SPECC1: variants seen among roughly 807,000 people sequenced by gnomAD.
The protein encoded by SPECC1 is sperm antigen with calponin homology and coiled-coil domains 1, also known as cytospin-B.
Under a neutral mutation model 104.1 loss-of-function variants are expected in SPECC1, and 62 were observed. That is an observed-to-expected ratio of 0.60 (90% CI 0.49 to 0.74). The LOEUF (loss-of-function observed/expected upper bound fraction) is 0.74, where lower values mean the gene tolerates loss of function less well. Among genes scored for constraint, SPECC1 ranks in the 30% least tolerant of loss-of-function variants. The pLI is 0.00. For missense variants in SPECC1, 1,306 were observed against 1,310.5 expected (o/e 1.00, Z 0.05); for synonymous variants, 513 against 501.6 (o/e 1.02, Z -0.30).
intron 3 of SPECC1, among the ~76,000 whole-genome samples, chr17:20,117,908 C>G (rs556153600): frequency 3.2e-4 from 48 of 151,782 alleles, no homozygotes; most frequent in African/African-American, 1.2e-3. Context: ...AGTTCGAGAC[C>G]AATCTGGGCA....
intron 13 of SPECC1, 130 bp from the exon 14 acceptor site, chr17:20,305,893 A>G: frequency 1.3e-6 from 1 of 746,598 alleles, no homozygotes; most frequent in African/African-American, 1.8e-5. Context: ...CAAATATTGT[A>G]CACTTGACTT....
chr17:20,302,759 G>A (rs1363434649), intron 13 of SPECC1, among the ~76,000 whole-genome samples: 1 of 5,622 alleles, frequency 1.8e-4, no homozygotes, highest in Non-Finnish European at 3.1e-4. Flanking sequence ...GCAGCACACT[G>A]TGAAAACACA....
rs748596331 is a variant in SPECC1 at position 20,014,130 on chromosome 17, TTCTG to T, written c.-22+4710_-22+4713del. 3.4e-4 allele frequency among the ~76,000 whole-genome samples: 51 copies of T among 152,220 alleles called. 1 individual carries two copies. The highest frequency in any genetic ancestry group is 4.3e-4 in the Non-Finnish European group (29 of 68,034). ...CACATTCTTGCCAACTCTTGGTAAT[TTCTG>T]TCTTTTACCTTTTAGTTATTCTGGT... On this transcript the variant is annotated intron_variant, in intron 1 of 14. Transcript: ENST00000395527.
Position 20,227,610 on chromosome 17 carries a change from T to C in SPECC1, c.2061T>C (p.Ser687=). The C allele has an allele frequency of 1.2e-6, 2 of 1,611,180 alleles. No homozygotes were observed. The highest frequency in any genetic ancestry group is 1.7e-6 in the Non-Finnish European group (2 of 1,179,268). The change falls in exon 5 of 15, where the codon AGT becomes AGC. Residue 687 remains serine (S), a synonymous_variant. Coordinates refer to ENST00000395527, the MANE Select transcript of SPECC1 (RefSeq NM_001243439.2). ...AVKLHNNQLI[S]ELESSVIKLE... ...AGTTACACAATAATCAACTCATCAG[T>C]GAGCTAGAAAGTAAGTGGGGTCTGC...
At chr17:20,125,204 A>AAAACAAAAC (rs1555611270) in intron 3 of SPECC1, among the ~76,000 whole-genome samples, 1 of 151,428 alleles carries the variant, frequency 6.6e-6, no homozygotes, top group Non-Finnish European at 1.5e-5. Flanking sequence ...AAAACAAAAC[A>AAAACAAAAC]AAACAAAAAA....
intron 1 of SPECC1, among the ~76,000 whole-genome samples, chr17:20,079,395 G>A (rs1382001426): frequency 6.6e-6 from 1 of 152,132 alleles, no homozygotes; most frequent in Non-Finnish European, 1.5e-5. Flanking sequence ...AACCTCCTGT[G>A]CTCAAGAGAT....
chr17:20,306,085 A>G lies in SPECC1; in HGVS notation c.3117+3A>G, dbSNP rs1274124721. ...GTGTAGGCATCAAACCCAGCCTGGT[A>G]CGTATCCTATTTTGTATCCTTGTGA... On this transcript the variant is annotated splice_donor_region_variant and intron_variant, in intron 14 of 14. Transcript: ENST00000395527. 6 of 1,613,322 alleles carry G rather than the reference A, an allele frequency of 3.7e-6. No homozygotes were observed. Among genetic ancestry groups the G allele is most frequent in the Non-Finnish European group, 5.1e-6 (6 of 1,179,540 alleles).
At chr17:20,093,105 G>A (rs2047477042) in intron 1 of SPECC1, among the ~76,000 whole-genome samples, 2 of 152,224 alleles carry the variant, frequency 1.3e-5, no homozygotes, top group South Asian at 4.1e-4. Context: ...TCAGGCTGCT[G>A]TAAGAGAAAT....
At chr17:20,283,399 A>G (rs1232706160) in intron 12 of SPECC1, among the ~76,000 whole-genome samples, 1 of 152,220 alleles carries the variant, frequency 6.6e-6, no homozygotes, top group Non-Finnish European at 1.5e-5. Context: ...GAAACAGTGG[A>G]TTACAATAAC....
Position 20,031,150 on chromosome 17 carries a change from A to G in SPECC1, c.-22+21726A>G, listed in dbSNP as rs143117704. Among the ~76,000 whole-genome samples the G allele has an allele frequency of 6.7e-3, 1,020 of 152,088 alleles. 7 individuals are homozygous for G. Among genetic ancestry groups the G allele is most frequent in the African/African-American group, 0.023 (961 of 41,466 alleles). The stretch of plus-strand genomic sequence containing the variant: ...GCTGGGATTATAAGTATATGCCACC[A>G]TGCCTGGCTAATTTTTGTATTTTTA... On this transcript the variant is annotated intron_variant, in intron 1 of 14. Coordinates refer to ENST00000395527, the MANE Select transcript of SPECC1 (RefSeq NM_001243439.2).
intron 4 of SPECC1, among the ~76,000 whole-genome samples, chr17:20,208,138 T>C (rs935585211): frequency 1.3e-5 from 2 of 152,220 alleles, no homozygotes; most frequent in Non-Finnish European, 1.5e-5. Flanking sequence ...ATGTTTAAAA[T>C]CAAACTGTTA....
chr17:20,124,249 C>G (rs997450254), intron 3 of SPECC1, among the ~76,000 whole-genome samples: 1 of 151,950 alleles, frequency 6.6e-6, no homozygotes, highest in Non-Finnish European at 1.5e-5. Context: ...GGGAGGGGAA[C>G]AGACGGGGGG....
At chr17:20,180,540 C>T (rs943903922) in intron 3 of SPECC1, among the ~76,000 whole-genome samples, 23 of 152,126 alleles carry the variant, frequency 1.5e-4, no homozygotes, top group Admixed American at 2.6e-4. Context: ...TCTAATTTGA[C>T]GGGTCAGCTA....
chr17:20,017,602 AC>A (rs1350442367), intron 1 of SPECC1: 1 of 152,314 alleles, frequency 6.6e-6, no homozygotes, highest in Non-Finnish European at 1.5e-5. Context: ...CTCTCGCCTT[AC>A]AAGTAGGTAA....
chr17:20,217,265 G>T (rs74352487), intron 4 of SPECC1, among the ~76,000 whole-genome samples: 5,703 of 146,824 alleles, frequency 0.039, 360 homozygotes, highest in African/African-American at 0.13. Context: ...TTTTTTTATT[G>T]TGTGTGTGTG....
chr17:20,148,608 C>T (rs908522206), intron 3 of SPECC1, among the ~76,000 whole-genome samples: 4 of 151,068 alleles, frequency 2.6e-5, no homozygotes, highest in Non-Finnish European at 5.9e-5. Flanking sequence ...CTTGCCTACT[C>T]AGAGAGGGCC....
chr17:20,202,093 T>C (rs1419108138), intron 3 of SPECC1, among the ~76,000 whole-genome samples: 3 of 152,242 alleles, frequency 2.0e-5, no homozygotes, highest in African/African-American at 7.2e-5. Context: ...AGACTGTACA[T>C]GGTGCTATTC....
At position 20,314,676 on chromosome 17, in the gene SPECC1, ACCCTCCCTTCC is replaced by A. The variant is rs1227420943; in HGVS notation, c.*615_*625del. ...AAAACCCAAAACTTTGCCCTTGTGA[ACCCTCCCTTCC>A]CCCCTCCCCCCCCAAAAAAAAACAA... On this transcript the variant is annotated 3_prime_UTR_variant, in exon 15 of 15. Transcript: ENST00000395527. 1 of 182,260 alleles carries A rather than the reference ACCCTCCCTTCC, an allele frequency of 5.5e-6. No individual in the cohort carries two copies. Among genetic ancestry groups the A allele is most frequent in the Non-Finnish European group, 1.0e-5 (1 of 98,014 alleles). The allele number at this position is 182,260 out of a possible 1,614,324, so 11.3% of individuals were successfully genotyped here.
intron 3 of SPECC1, among the ~76,000 whole-genome samples, chr17:20,194,257 T>A (rs1021186462): frequency 6.6e-6 from 1 of 152,132 alleles, no homozygotes; most frequent in African/African-American, 2.4e-5. Context: ...TAAATTCCTT[T>A]CTTTTTGAGG....
Sources: gnomAD v4.1 joint callset for allele counts (sites outside exome capture counted in the v4.1 genomes callset) on GRCh38, gnomAD v4.1.1 for gene constraint, MANE v1.5 for transcripts, NCBI Gene and HGNC (gene_info 2026-07-23, HGNC 2026-07-21) for gene names.